Variants in EYS observed in about 807,000 individuals in gnomAD.
EYS encodes protein eyes shut homolog.
A neutral mutation model predicts 282.1 loss-of-function variants in EYS; 250 were observed. The observed-to-expected ratio is 0.89, with a 90% CI of 0.80 to 0.98. EYS has a LOEUF of 0.98. Among genes scored for constraint, EYS ranks in the 50% least tolerant of loss-of-function variants. The probability of loss-of-function intolerance (pLI) is 0.00; values close to 1 mark genes in which losing one functional copy is unlikely to be tolerated. For synonymous variants in EYS, 1,355 were observed against 1,282.9 expected, an observed-to-expected ratio of 1.06 and a Z score of -1.20; for missense variants, 4,016 against 3,709.0, an observed-to-expected ratio of 1.08 and a Z score of -2.15.
At chr6:64,619,993 A>G (rs1767393741) in intron 23 of EYS, among the ~76,000 whole-genome samples, 1 of 152,196 alleles carries the variant, frequency 6.6e-6, no homozygotes, top group Admixed American at 6.6e-5. Flanking sequence ...ACTGAGAAAA[A>G]CATTAAGGCT....
chr6:64,013,189 C>A (rs563665385), intron 33 of EYS, among the ~76,000 whole-genome samples: 1 of 152,220 alleles, frequency 6.6e-6, no homozygotes, highest in South Asian at 2.1e-4. Flanking sequence ...ACAGAGCAGT[C>A]GTCAAGGGAA....
At chr6:64,740,287 TA>T (rs527302112) in intron 22 of EYS, among the ~76,000 whole-genome samples, 5 of 152,048 alleles carry the variant, frequency 3.3e-5, no homozygotes, top group South Asian at 2.1e-4. Context: ...TTTCAAATTA[TA>T]AAAAAAATAT....
intron 31 of EYS, among the ~76,000 whole-genome samples, chr6:64,114,928 C>T (rs1773325500): frequency 6.6e-6 from 1 of 152,156 alleles, no homozygotes. Context: ...AGATCCCCAG[C>T]TCCCCTGCAG....
chr6:64,117,162 T>G (rs1773412593), intron 31 of EYS, among the ~76,000 whole-genome samples: 1 of 152,052 alleles, frequency 6.6e-6, no homozygotes, highest in East Asian at 1.9e-4. Context: ...TAGATTGTAT[T>G]TTAGGCTACA....
chr6:63,830,410 C>A (rs1375938759), intron 36 of EYS, among the ~76,000 whole-genome samples: 3 of 152,150 alleles, frequency 2.0e-5, no homozygotes, highest in Non-Finnish European at 4.4e-5. Flanking sequence ...GGCACGAGAA[C>A]TACATGATGC....
intron 30 of EYS, among the ~76,000 whole-genome samples, chr6:64,279,022 A>C (rs953228186): frequency 6.6e-6 from 1 of 152,064 alleles, no homozygotes; most frequent in Admixed American, 6.6e-5. Flanking sequence ...AATCTTTACT[A>C]ATACATTTTC....
intron 2 of EYS, among the ~76,000 whole-genome samples, chr6:65,618,459 T>C (rs1318564173): frequency 3.9e-5 from 6 of 152,250 alleles, no homozygotes; most frequent in African/African-American, 1.2e-4. Context: ...ATTAGCCCTT[T>C]GTCAGATGAG....
In EYS at chr6:65,419,234, A is replaced by T. The variant is rs371954679; in HGVS notation, c.863-13867T>A. On this transcript the variant is annotated intron_variant, in intron 5 of 42. Coordinates refer to ENST00000503581, the MANE Select transcript of EYS (RefSeq NM_001142800.2). ...CAAATAAAGCAATCAGTCCTTTAGT[A>T]GTTCTTATTTAAAAAGTGAGAGAAC... 1.6e-3 allele frequency among the ~76,000 whole-genome samples: 245 copies of T among 152,106 alleles called. 11 individuals carry two copies. In the South Asian group the frequency reaches 0.05, roughly 31 times the overall value.
intron 1 of EYS, among the ~76,000 whole-genome samples, 200 bp from the exon 2 acceptor site, chr6:65,640,092 T>A (rs1328318878): frequency 6.6e-6 from 1 of 152,158 alleles, no homozygotes; most frequent in African/African-American, 2.4e-5. Context: ...AAATGGGCAG[T>A]ATACCTGTAA....
intron 35 of EYS, among the ~76,000 whole-genome samples, chr6:63,927,922 CT>C (rs1260376193): frequency 6.6e-6 from 1 of 152,150 alleles, no homozygotes; most frequent in Non-Finnish European, 1.5e-5. Flanking sequence ...GCTTCCTAGG[CT>C]TTTGTTCTTT....
intron 26 of EYS, among the ~76,000 whole-genome samples, chr6:64,452,234 A>T (rs1775378124): frequency 6.6e-6 from 1 of 152,172 alleles, no homozygotes; most frequent in African/African-American, 2.4e-5. Context: ...AGAGAGCCAA[A>T]TCATGAGTGA....
At chr6:64,445,624 A>G (rs1775095322) in intron 26 of EYS, among the ~76,000 whole-genome samples, 1 of 152,194 alleles carries the variant, frequency 6.6e-6, no homozygotes, top group Non-Finnish European at 1.5e-5. Flanking sequence ...ACTTCTCATA[A>G]AATACCTAGA....
rs552964860 is a variant in EYS at position 65,336,353 on chromosome 6, TA to T, written c.1600-1208del. On this transcript the variant is annotated intron_variant, in intron 10 of 42. Transcript: ENST00000503581. ...AATAATATGTTTCTTTAGCAAAGGT[TA>T]AAAAAATCAGTTTTGATTTATGTCA... Among the ~76,000 whole-genome samples the T allele has an allele frequency of 6.1e-4, 92 of 151,840 alleles. 1 individual carries two copies. Among genetic ancestry groups the T allele is most frequent in the African/African-American group, 2.1e-3 (86 of 41,506 alleles).
intron 13 of EYS, among the ~76,000 whole-genome samples, chr6:65,019,931 A>G (rs9363322): frequency 0.03 from 4,620 of 152,226 alleles, 162 homozygotes; most frequent in East Asian, 0.18. Flanking sequence ...CAAAATGGGG[A>G]AAAGCCCTTT....
intron 31 of EYS, among the ~76,000 whole-genome samples, chr6:64,182,856 C>A (rs1035102364): frequency 6.6e-6 from 1 of 152,110 alleles, no homozygotes; most frequent in Non-Finnish European, 1.5e-5. Flanking sequence ...CTACTCCTGT[C>A]TACCCTCTTT....
chr6:64,332,782 C>T (rs183372713), intron 29 of EYS, among the ~76,000 whole-genome samples: 1 of 152,238 alleles, frequency 6.6e-6, no homozygotes, highest in Non-Finnish European at 1.5e-5. Context: ...CTACACATGG[C>T]CGAAGCCTAA....
intron 37 of EYS, among the ~76,000 whole-genome samples, chr6:63,795,414 A>G (rs1385975968): frequency 6.6e-6 from 1 of 152,208 alleles, no homozygotes; most frequent in African/African-American, 2.4e-5. Context: ...TTCTGAAAGA[A>G]AAGAGCAAAG....
chr6:64,703,429 A>ATATATATTTTT (rs869208549), intron 22 of EYS, among the ~76,000 whole-genome samples: 3 of 23,366 alleles, frequency 1.3e-4, no homozygotes, highest in African/African-American at 2.9e-4. Flanking sequence ...ATATATATAT[A>ATATATATTTTT]TTTTTTTTTT....
At chr6:64,244,760 T>G (rs1766953076) in intron 30 of EYS, among the ~76,000 whole-genome samples, 1 of 152,206 alleles carries the variant, frequency 6.6e-6, no homozygotes, top group Non-Finnish European at 1.5e-5. Context: ...CTGTTTAGTA[T>G]GTCGATTTCA....
Sources: gnomAD v4.1 joint callset for allele counts (sites outside exome capture counted in the v4.1 genomes callset) on GRCh38, gnomAD v4.1.1 for gene constraint, MANE v1.5 for transcripts, NCBI Gene and HGNC (gene_info 2026-07-23, HGNC 2026-07-21) for gene names.